The following DNAH14 variants were observed in gnomAD, a reference collection of about 807,000 sequenced individuals.
The protein encoded by DNAH14 is axonemal beta dynein heavy chain 14.
A neutral mutation model predicts 520.9 loss-of-function variants in DNAH14; 478 were observed. The observed-to-expected ratio is 0.92, with a 90% confidence interval of 0.85 to 0.99. DNAH14 has a LOEUF of 0.99. DNAH14 is among the 50% of genes least tolerant of loss of function. The pLI is 0.00. For synonymous variants in DNAH14, 1,581 were observed against 1,757.2 expected, an observed-to-expected ratio of 0.90 and a Z score of 2.51; for missense variants, 4,831 against 5,234.5, an observed-to-expected ratio of 0.92 and a Z score of 2.38.
intron 25 of DNAH14, chr1:225,118,285 T>TAA: frequency 4.7e-6 from 2 of 427,976 alleles, no homozygotes; most frequent in Non-Finnish European, 8.5e-6. Context: ...TCCTACTCTC[T>TAA]TTTTAGTGCT....
Position 225,340,677 on chromosome 1 carries a change from T to G in DNAH14, c.10654T>G (p.Leu3552Val). Residue 3552 changes from leucine to valine, a missense_variant, in exon 69 of 86, where the codon TTA becomes GTA. Coordinates refer to ENST00000682510, the MANE Select transcript of DNAH14 (RefSeq NM_001367479.1). ...ITLEELEEKT[L>V]NLLQKALGSI... ...TCTTGAAGAACTAGAGGAAAAAACA[T>G]TAAATTTACTGCAGAAAGCACTAGG... 1 of 1,551,310 alleles carries G rather than the reference T, an allele frequency of 6.4e-7. No individual in the cohort carries two copies. The highest frequency in any genetic ancestry group is 8.7e-7 in the Non-Finnish European group (1 of 1,146,820).
At chr1:225,190,918 A>C (rs2085344741) in intron 37 of DNAH14, among the ~76,000 whole-genome samples, 1 of 151,998 alleles carries the variant, frequency 6.6e-6, no homozygotes, top group African/African-American at 2.4e-5. Context: ...AATCCAGTAG[A>C]ACTGATACCA....
In DNAH14 at chr1:224,961,521, G is replaced by A. The variant is rs1264634895; in HGVS notation, c.367+1219G>A. Among the ~76,000 whole-genome samples, 4 of 152,108 alleles carry A rather than the reference G, an allele frequency of 2.6e-5. No homozygotes were observed. The East Asian group carries it at 7.7e-4, about 29-fold the overall frequency. On this transcript the variant is annotated intron_variant, in intron 4 of 85. Transcript: ENST00000682510. ...CATGGTGGAAGGCAAAGGAGAAGCAGGCACCTTCTTCACAGTATGGCAGGA... is the reference window on the plus strand; with the variant it reads ...CATGGTGGAAGGCAAAGGAGAAGCAAGCACCTTCTTCACAGTATGGCAGGA...
rs2093829049 is a variant in DNAH14, at chr1:225,289,960, G to A, written c.8347G>A (p.Val2783Met). ...CYLTDNKLYR[V>M]PISHKCAYIE... ...TTTGACAGATAATAAACTATACCGAGTGCCTATATCTCACAAATGTGCCTA... is the reference window on the plus strand; with the variant it reads ...TTTGACAGATAATAAACTATACCGAATGCCTATATCTCACAAATGTGCCTA... The change falls in exon 55 of 86, where the codon GTG becomes ATG. Residue 2783 changes from valine (V) to methionine (M), a missense_variant. Transcript: ENST00000682510. 1 of 1,538,876 alleles carries A rather than the reference G, an allele frequency of 6.5e-7. No homozygotes were observed. Among genetic ancestry groups the A allele is most frequent in the Non-Finnish European group, 8.8e-7 (1 of 1,140,540 alleles).
chr1:225,080,238 C>T (rs911143762), intron 18 of DNAH14, 141 bp from the exon 19 acceptor site: 4 of 865,676 alleles, frequency 4.6e-6, no homozygotes, highest in Non-Finnish European at 6.6e-6. Context: ...TTTGTCTGGG[C>T]CAAATGGTAA....
intron 15 of DNAH14, 48 bp downstream of exon 15, chr1:225,044,031 AT>A: frequency 4.3e-6 from 5 of 1,169,144 alleles, no homozygotes; most frequent in Non-Finnish European, 6.0e-6. Flanking sequence ...CTTTGGCAAT[AT>A]TTTTTTAAAT....
chr1:225,273,050 C>T lies in DNAH14; in HGVS notation c.7935C>T (p.His2645=). The T allele has an allele frequency of 2.6e-6, 4 of 1,551,622 alleles. No individual in the cohort carries two copies. The South Asian group carries it at 3.6e-5, about 14-fold the overall frequency. ...LFVHEATRVF[H]DRLIDFTDKS... is the part of the protein sequence containing the mutation. Reference sequence around the variant, plus strand: ...TTCATGAAGCCACCCGAGTATTTCACGATCGCTTAATTGATTTCACTGATA... The same window carrying T: ...TTCATGAAGCCACCCGAGTATTTCATGATCGCTTAATTGATTTCACTGATA... Residue 2645 remains histidine (H), a synonymous_variant, in exon 52 of 86, where the codon CAC becomes CAT. Coordinates refer to ENST00000682510, the MANE Select transcript of DNAH14 (RefSeq NM_001367479.1).
chr1:225,097,028 A>C (rs1258578453), intron 21 of DNAH14, 90 bp from the exon 22 acceptor site: 1 of 1,071,780 alleles, frequency 9.3e-7, no homozygotes, highest in African/African-American at 1.6e-5. Context: ...AATGACTGAT[A>C]ATCACCTTTG....
Position 225,337,489 on chromosome 1 carries a change from T to C in DNAH14, c.10304T>C (p.Leu3435Pro), listed in dbSNP as rs752673679. The change falls in exon 67 of 86, where the codon CTC becomes CCC. Residue 3435 changes from leucine (L) to proline (P), a missense_variant. Transcript: ENST00000682510. ...ENAMKTGGSV[L>P]LQNLLETLAP... Reference sequence around the variant, plus strand: ...GCTATGAAGACAGGAGGGAGTGTCCTCCTGCAGGTAAGTGGGCAGTATGGC... The same window carrying C: ...GCTATGAAGACAGGAGGGAGTGTCCCCCTGCAGGTAAGTGGGCAGTATGGC... 1.5e-5 allele frequency: 23 copies of C among 1,551,714 alleles called. No homozygotes were observed. The highest frequency in any genetic ancestry group is 2.0e-5 in the Non-Finnish European group (23 of 1,146,820).
intron 72 of DNAH14, among the ~76,000 whole-genome samples, chr1:225,353,173 A>G (rs2095390189): frequency 6.6e-6 from 1 of 152,094 alleles, no homozygotes; most frequent in Non-Finnish European, 1.5e-5. Context: ...GGAAAATACC[A>G]TAGAAATAAG....
At chr1:225,363,429 C>A (rs982364418) in intron 75 of DNAH14, among the ~76,000 whole-genome samples, 1 of 152,156 alleles carries the variant, frequency 6.6e-6, no homozygotes, top group Non-Finnish European at 1.5e-5. Flanking sequence ...GAGGTGAGGT[C>A]TCGCTATGTT....
At chr1:225,225,949 A>G (rs1256570401) in intron 41 of DNAH14, among the ~76,000 whole-genome samples, 1 of 152,194 alleles carries the variant, frequency 6.6e-6, no homozygotes, top group Non-Finnish European at 1.5e-5. Context: ...CACAATCCCC[A>G]GACATTACCT....
intron 47 of DNAH14, among the ~76,000 whole-genome samples, chr1:225,264,677 GA>G (rs1281493020): frequency 6.6e-6 from 1 of 152,084 alleles, no homozygotes; most frequent in Non-Finnish European, 1.5e-5. Flanking sequence ...CCTCATCCTT[GA>G]AAATTCTGAC....
At chr1:224,944,752 G>A (rs967615219) in intron 1 of DNAH14, among the ~76,000 whole-genome samples, 5 of 152,152 alleles carry the variant, frequency 3.3e-5, no homozygotes, top group African/African-American at 1.2e-4. Flanking sequence ...TCACTTCTGA[G>A]GCTTAGTTTG....
At chr1:225,140,320 C>T (rs573606043) in intron 27 of DNAH14, among the ~76,000 whole-genome samples, 49 of 152,230 alleles carry the variant, frequency 3.2e-4, no homozygotes, top group African/African-American at 1.1e-3. Context: ...AAAACATCTC[C>T]GTTATGTATG....
chr1:225,374,170 T>TATATATATATATATA (rs2095659936), intron 77 of DNAH14, among the ~76,000 whole-genome samples: 1 of 104,038 alleles, frequency 9.6e-6, no homozygotes, highest in Non-Finnish European at 1.9e-5. Flanking sequence ...TATATATATA[T>TATATATATATATATA]ATATATATAT....
At chr1:225,334,751 C>G (rs1190313821) in intron 66 of DNAH14, among the ~76,000 whole-genome samples, 1 of 151,584 alleles carries the variant, frequency 6.6e-6, no homozygotes, top group East Asian at 2.0e-4. Context: ...TGCCTATAGT[C>G]CTAACTACTT....
intron 28 of DNAH14, among the ~76,000 whole-genome samples, chr1:225,142,170 T>G (rs2079519512): frequency 6.6e-6 from 1 of 152,190 alleles, no homozygotes; most frequent in Non-Finnish European, 1.5e-5. Flanking sequence ...ATTATTACTT[T>G]TTATTAACTC....
At chr1:225,115,620 T>C (rs1438736829) in intron 23 of DNAH14, among the ~76,000 whole-genome samples, 2 of 152,156 alleles carry the variant, frequency 1.3e-5, no homozygotes, top group African/African-American at 2.4e-5. Flanking sequence ...CCCTCTTCTA[T>C]TGAAATCTGC....
Sources: allele counts gnomAD v4.1 joint callset (sites outside exome capture counted in the v4.1 genomes callset), GRCh38; gene constraint gnomAD v4.1.1; transcripts MANE v1.5; gene names NCBI Gene and HGNC (gene_info 2026-07-23, HGNC 2026-07-21).